SLC2A13: variants seen among roughly 807,000 people sequenced by gnomAD.
SLC2A13 encodes the protein proton myo-inositol cotransporter.
In SLC2A13, 32 loss-of-function variants were observed where a neutral mutation model predicts 64.4. That is an observed-to-expected ratio of 0.50 (90% CI 0.37 to 0.67). SLC2A13 has a LOEUF of 0.67. Among genes scored for constraint, SLC2A13 ranks in the 30% least tolerant of loss-of-function variants. The pLI is 0.00. For synonymous variants in SLC2A13, 338 were observed against 327.1 expected (o/e 1.03, Z -0.36); for missense variants, 743 against 829.2 (o/e 0.90, Z 1.28).
intron 1 of SLC2A13, among the ~76,000 whole-genome samples, chr12:40,090,190 A>G (rs1337690907): frequency 6.6e-6 from 1 of 152,220 alleles, no homozygotes; most frequent in African/African-American, 2.4e-5. Flanking sequence ...TTAGTTTAAT[A>G]AGGCATATTT....
In SLC2A13 at chr12:39,952,376, G is replaced by A. The variant is rs568012395; in HGVS notation, c.926-1011C>T. Among the ~76,000 whole-genome samples the A allele has an allele frequency of 1.5e-3, 221 of 152,264 alleles. 2 individuals are homozygous for A. Among genetic ancestry groups the A allele is most frequent in the African/African-American group, 5.1e-3 (213 of 41,538 alleles). ...ACTGCTTAATTAGAGTCCAAGTTTT[G>A]TTAATGAACTCTAAACCAAGTCCGG... On this transcript the variant is annotated intron_variant, in intron 3 of 9. Coordinates refer to ENST00000280871, the MANE Select transcript of SLC2A13 (RefSeq NM_052885.4).
chr12:39,790,240 T>G (rs1043270043), intron 7 of SLC2A13, among the ~76,000 whole-genome samples: 39 of 151,890 alleles, frequency 2.6e-4, no homozygotes, highest in African/African-American at 9.2e-4. Context: ...TTTATTATAC[T>G]TTAAGTTTTA....
chr12:39,790,346 A>G (rs1235280127), intron 7 of SLC2A13, among the ~76,000 whole-genome samples: 11 of 148,280 alleles, frequency 7.4e-5, no homozygotes, highest in Admixed American at 6.7e-4. Flanking sequence ...CATTAGGTAT[A>G]TCTCCCAATG....
chr12:39,981,194 T>C (rs1275981462), intron 3 of SLC2A13, among the ~76,000 whole-genome samples: 1 of 149,720 alleles, frequency 6.7e-6, no homozygotes, highest in Non-Finnish European at 1.5e-5. Flanking sequence ...GGGAAATTTA[T>C]AGCACTAAAT....
intron 2 of SLC2A13, among the ~76,000 whole-genome samples, chr12:40,045,846 C>T (rs899884917): frequency 5.3e-5 from 8 of 152,092 alleles, no homozygotes; most frequent in Non-Finnish European, 1.0e-4. Flanking sequence ...TGTGTTGTCC[C>T]TAGTCTTTTC....
chr12:40,037,101 C>A (rs1323273123), intron 2 of SLC2A13, among the ~76,000 whole-genome samples: 1 of 152,114 alleles, frequency 6.6e-6, no homozygotes, highest in Non-Finnish European at 1.5e-5. Flanking sequence ...ATTTATTCCC[C>A]TTTTACATAC....
intron 3 of SLC2A13, among the ~76,000 whole-genome samples, chr12:39,966,554 AT>A (rs1946519987): frequency 6.6e-6 from 1 of 152,180 alleles, no homozygotes. Flanking sequence ...TTAGAAAAAA[AT>A]AATATTGGTA....
chr12:40,067,494 T>C (rs931641838), intron 1 of SLC2A13, among the ~76,000 whole-genome samples: 1 of 150,706 alleles, frequency 6.6e-6, no homozygotes, highest in Non-Finnish European at 1.5e-5. Context: ...AATGAGTATA[T>C]TATTTAAACA....
intron 7 of SLC2A13, among the ~76,000 whole-genome samples, chr12:39,810,400 T>G (rs1408103642): frequency 6.6e-6 from 1 of 152,200 alleles, no homozygotes; most frequent in Non-Finnish European, 1.5e-5. Flanking sequence ...ATTCATTTAT[T>G]TATTCTCATA....
intron 7 of SLC2A13, among the ~76,000 whole-genome samples, chr12:39,771,183 ACT>A (rs1225857841): frequency 6.6e-6 from 1 of 151,874 alleles, no homozygotes; most frequent in Non-Finnish European, 1.5e-5. Flanking sequence ...CGGGAGAGAG[ACT>A]CTAGAGTAAC....
At chr12:39,762,104 G>C (rs911849458) in intron 9 of SLC2A13, among the ~76,000 whole-genome samples, 1 of 152,004 alleles carries the variant, frequency 6.6e-6, no homozygotes, top group African/African-American at 2.4e-5. Context: ...TCCAAAGCAC[G>C]CAAATGCCAA....
chr12:40,029,900 A>C (rs1272810585), intron 2 of SLC2A13, among the ~76,000 whole-genome samples: 1 of 152,204 alleles, frequency 6.6e-6, no homozygotes, highest in Non-Finnish European at 1.5e-5. Flanking sequence ...CTGCTCACCC[A>C]CAGAGCACAC....
intron 4 of SLC2A13, among the ~76,000 whole-genome samples, chr12:39,922,266 A>C (rs1945627327): frequency 6.6e-6 from 1 of 152,174 alleles, no homozygotes; most frequent in Non-Finnish European, 1.5e-5. Context: ...ATCTTTTCTG[A>C]TGTAACATCT....
intron 4 of SLC2A13, among the ~76,000 whole-genome samples, chr12:39,896,252 GTATGTATATGTGTGTATATATGTATA>G (rs1565527634): frequency 7.5e-4 from 63 of 84,418 alleles, no homozygotes; most frequent in Non-Finnish European, 1.4e-3. Flanking sequence ...ATGTATACAT[GTATGTATATGTGTGTATATATGTATA>G]CATGTATGTA....
intron 1 of SLC2A13, among the ~76,000 whole-genome samples, chr12:40,066,127 T>A (rs1353777529): frequency 1.3e-5 from 2 of 152,196 alleles, no homozygotes; most frequent in Non-Finnish European, 2.9e-5. Flanking sequence ...GGTTTGAGAT[T>A]AAATATTTAT....
intron 4 of SLC2A13, among the ~76,000 whole-genome samples, chr12:39,942,991 T>A (rs1946064390): frequency 1.3e-5 from 2 of 152,216 alleles, no homozygotes; most frequent in Admixed American, 1.3e-4. Context: ...TGTTTGTTAG[T>A]TTTCCTTGTA....
intron 4 of SLC2A13, among the ~76,000 whole-genome samples, chr12:39,887,516 A>C (rs1944498338): frequency 6.6e-6 from 1 of 152,212 alleles, no homozygotes; most frequent in South Asian, 2.1e-4. Flanking sequence ...GGGATAAAAA[A>C]GGGAAGTAGA....
chr12:40,053,281 CAAAAAAA>C (rs35810974), intron 1 of SLC2A13, among the ~76,000 whole-genome samples: 19 of 69,104 alleles, frequency 2.7e-4, no homozygotes, highest in African/African-American at 1.0e-3. Context: ...GACTCCATCT[CAAAAAAA>C]AAAAAAAAAA....
intron 7 of SLC2A13, among the ~76,000 whole-genome samples, chr12:39,818,421 T>A (rs1455679781): frequency 6.6e-6 from 1 of 152,234 alleles, no homozygotes; most frequent in East Asian, 1.9e-4. Context: ...AGATAGGATC[T>A]CTTATCAATC....
Sources: gnomAD v4.1 joint callset for allele counts (sites outside exome capture counted in the v4.1 genomes callset) on GRCh38, gnomAD v4.1.1 for gene constraint, MANE v1.5 for transcripts, NCBI Gene and HGNC (gene_info 2026-07-23, HGNC 2026-07-21) for gene names.